The following MBD3 variants were observed in gnomAD, a reference collection of about 807,000 sequenced individuals.
MBD3 encodes the protein methyl-CpG-binding domain protein 3.
A neutral mutation model predicts 31.2 loss-of-function variants in MBD3; 13 were observed. The observed-to-expected ratio is 0.42, with a 90% confidence interval of 0.27 to 0.66. MBD3 has a LOEUF of 0.66. Ranked by LOEUF, MBD3 falls within the 30% of genes least tolerant of loss-of-function variation. The pLI is 0.26. For missense variants in MBD3, 440 were observed against 426.5 expected, an observed-to-expected ratio of 1.03 and a Z score of -0.28; for synonymous variants, 223 against 187.4, an observed-to-expected ratio of 1.19 and a Z score of -1.55.
chr19:1,580,916 G>A (rs1225179423), intron 5 of MBD3, among the ~76,000 whole-genome samples, 176 bp downstream of exon 5: 5 of 152,150 alleles, frequency 3.3e-5, no homozygotes, highest in Admixed American at 1.3e-4. Flanking sequence ...CCCAGGACGC[G>A]GGTGAAACGG....
Position 1,575,514 on chromosome 19 carries a change from G to T in MBD3, c.*2650C>A. On this transcript the variant is annotated 3_prime_UTR_variant, in exon 7 of 7. Coordinates refer to ENST00000434436, the MANE Select transcript of MBD3 (RefSeq NM_001281453.2). ...TGGGGCCAGGCACCGCACAGGGCAG[G>T]CTGGTCATGAGGCCCCCACGAAAGA... The T allele has an allele frequency of 4.4e-6, 1 of 229,130 alleles. No individual in the cohort carries two copies. The highest frequency in any genetic ancestry group is 9.1e-6 in the Non-Finnish European group (1 of 110,314). 14.2% of individuals were successfully genotyped at this position (229,130 alleles called of 1,614,324 possible). A position where few individuals can be genotyped will look rare whatever the true frequency, so the allele number is the denominator to read the frequency against.
intron 1 of MBD3, among the ~76,000 whole-genome samples, chr19:1,588,527 A>G (rs1459481765): frequency 6.6e-6 from 1 of 151,936 alleles, no homozygotes; most frequent in African/African-American, 2.4e-5. Context: ...CACGCCTGTA[A>G]TCACAGCACT....
rs1045209798 is a variant in MBD3 at position 1,584,584 on chromosome 19, T to G, written c.364A>C (p.Lys122Gln). Residue 122 changes from lysine to glutamine, a missense_variant, in exon 3 of 7, where the codon AAG becomes CAG. By Grantham distance (53) the Lys-to-Gln change is moderately conservative. Around this residue, in one of 3 missense-constraint regions of MBD3, gnomAD observed 144 missense variants for 196.9 expected, o/e 0.73. Coordinates refer to ENST00000434436, the MANE Select transcript of MBD3 (RefSeq NM_001281453.2). ...GCCTTCTGCGGGTCGCTCTTGACCTTGTTGCTGGGGTGGTTGGTAATCTTG... is the reference window on the plus strand; with the variant it reads ...GCCTTCTGCGGGTCGCTCTTGACCTGGTTGCTGGGGTGGTTGGTAATCTTG... ...VTKITNHPSN[K>Q]VKSDPQKAVD... is the part of the protein sequence containing the mutation. The G allele has an allele frequency of 1.2e-6, 2 of 1,613,764 alleles. No individual in the cohort carries two copies. Among genetic ancestry groups the G allele is most frequent in the East Asian group, 2.2e-5 (1 of 44,884 alleles).
In MBD3 at chr19:1,576,037, A is replaced by C. The variant is rs1291048909; in HGVS notation, c.*2127T>G. The C allele has an allele frequency of 1.3e-5, 2 of 152,534 alleles. No homozygotes were observed. The highest frequency in any genetic ancestry group is 1.9e-4 in the East Asian group (1 of 5,210). 9.4% of individuals were successfully genotyped at this position (152,534 alleles called of 1,614,324 possible). A position where few individuals can be genotyped will look rare whatever the true frequency, so the allele number is the denominator to read the frequency against. On this transcript the variant is annotated 3_prime_UTR_variant, in exon 7 of 7. Transcript: ENST00000434436. ...AGACCGAGGGAGAGAGACAGGAGAG[A>C]GAGCAAGAAACAAAGAGGGACAGAG...
rs527661092 is a variant in MBD3, at chr19:1,576,167, G to A, written c.*1997C>T. 6.5e-6 allele frequency: 1 copy of A among 152,706 alleles called. No individual in the cohort carries two copies. Among genetic ancestry groups the A allele is most frequent in the East Asian group, 1.9e-4 (1 of 5,194 alleles). The allele number at this position is 152,706 out of a possible 1,614,324, so 9.5% of individuals were successfully genotyped here. A position where few individuals can be genotyped will look rare whatever the true frequency, so the allele number is the denominator to read the frequency against. On this transcript the variant is annotated 3_prime_UTR_variant, in exon 7 of 7. Transcript: ENST00000434436. ...AGGGACACAGTGGGAGATGGGAAGAGGGAAACAGAGTGTCTCTGAGTGCCG... is the reference window on the plus strand; with the variant it reads ...AGGGACACAGTGGGAGATGGGAAGAAGGAAACAGAGTGTCTCTGAGTGCCG...
intron 1 of MBD3, among the ~76,000 whole-genome samples, chr19:1,591,780 C>T (rs1599350874): frequency 6.6e-6 from 1 of 152,116 alleles, no homozygotes; most frequent in East Asian, 1.9e-4. Context: ...CTTTGTTCCA[C>T]GGAGGGGGTT....
intron 5 of MBD3, among the ~76,000 whole-genome samples, chr19:1,579,590 G>A (rs143931709): frequency 3.1e-3 from 476 of 152,058 alleles, no homozygotes; most frequent in African/African-American, 9.0e-3. Flanking sequence ...CCCTGCCTCC[G>A]GGGTCTCTCT....
At chr19:1,584,825 C>T in intron 2 of MBD3, 148 bp from the exon 3 acceptor site, 2 of 992,194 alleles carry the variant, frequency 2.0e-6, no homozygotes, top group Non-Finnish European at 1.4e-6. Flanking sequence ...GGGGAGGCCG[C>T]TCCCGCAGGG....
rs941353356 is a variant in MBD3 at position 1,585,077 on chromosome 19, T to C, written c.248A>G (p.Tyr83Cys). ...CACCTTGACCTGGTTGGAGGAGTCG[T>C]AGCGCACGCGCTGGCGGCTCTTGTT... Reference protein sequence around the residue: ...KMNKSRQRVRYDSSNQVKGKP... With the variant: ...KMNKSRQRVRCDSSNQVKGKP... Residue 83 changes from tyrosine to cysteine, a missense_variant, in exon 2 of 7, where the codon TAC becomes TGC. Tyr to Cys is a radical substitution (Grantham distance 194). Coordinates refer to ENST00000434436, the MANE Select transcript of MBD3 (RefSeq NM_001281453.2). The surrounding 1 kb of genome is among the most constrained non-coding windows in gnomAD (Gnocchi z 4.1). The C allele has an allele frequency of 3.1e-6, 5 of 1,612,300 alleles. No individual in the cohort carries two copies. Among genetic ancestry groups the C allele is most frequent in the African/African-American group, 2.7e-5 (2 of 74,914 alleles).
chr19:1,583,376 A>G (rs1323547335), intron 3 of MBD3: 33 of 123,148 alleles, frequency 2.7e-4, no homozygotes, highest in African/African-American at 1.1e-3. Context: ...TGACAGAGCG[A>G]GACTCTGTCA....
In MBD3 at chr19:1,585,673, T is replaced by G. The variant is rs1319423821; in HGVS notation, c.111-459A>C. ...CCCGGCTCTGGGAGGATGGCTCACA[T>G]GTCCAGAACATTCCAGACATGGAAT... On this transcript the variant is annotated intron_variant, in intron 1 of 6. Coordinates refer to ENST00000434436, the MANE Select transcript of MBD3 (RefSeq NM_001281453.2). The surrounding 1 kb of genome is among the most constrained non-coding windows in gnomAD (Gnocchi z 4.1). 3 of 200,898 alleles carry G rather than the reference T, an allele frequency of 1.5e-5. No individual in the cohort carries two copies. The highest frequency in any genetic ancestry group is 5.4e-5 in the Admixed American group (1 of 18,528). The allele number at this position is 200,898 out of a possible 1,614,324, so 12.4% of individuals were successfully genotyped here.
Position 1,576,849 on chromosome 19 carries a change from C to T in MBD3, c.*1315G>A, listed in dbSNP as rs985404668. 2.0e-5 allele frequency: 3 copies of T among 152,386 alleles called. No homozygotes were observed. The highest frequency in any genetic ancestry group is 4.4e-5 in the Non-Finnish European group (3 of 68,136). 9.4% of individuals were successfully genotyped at this position (152,386 alleles called of 1,614,324 possible). On this transcript the variant is annotated 3_prime_UTR_variant, in exon 7 of 7. Coordinates refer to ENST00000434436, the MANE Select transcript of MBD3 (RefSeq NM_001281453.2). The stretch of plus-strand genomic sequence containing the variant: ...GGAGCTTCCCTCGGCTGCCCTGGCC[C>T]TTGAGCCCGTCCTGAGGATTTGTGC...
chr19:1,583,069 T>C (rs1174613428), intron 3 of MBD3, among the ~76,000 whole-genome samples: 1 of 151,906 alleles, frequency 6.6e-6, no homozygotes, highest in Non-Finnish European at 1.5e-5. Flanking sequence ...TCCGGTGTGG[T>C]GACGGGCGCC....
Position 1,577,312 on chromosome 19 carries a change from G to C in MBD3, c.*852C>G, listed in dbSNP as rs1917222712. ...GGGCCAGAAGCTCCCTGGAGAGCTG[G>C]GCACCTCGAGGAGCGTCTGGGAGCC... On this transcript the variant is annotated 3_prime_UTR_variant, in exon 7 of 7. Coordinates refer to ENST00000434436, the MANE Select transcript of MBD3 (RefSeq NM_001281453.2). The C allele has an allele frequency of 6.6e-6, 1 of 152,268 alleles. No individual in the cohort carries two copies. The highest frequency in any genetic ancestry group is 2.1e-4 in the South Asian group (1 of 4,836). 9.4% of individuals were successfully genotyped at this position (152,268 alleles called of 1,614,324 possible). A position where few individuals can be genotyped will look rare whatever the true frequency, so the allele number is the denominator to read the frequency against.
At chr19:1,584,939 C>A (rs1466743063) in intron 2 of MBD3, 116 bp downstream of exon 2, 1 of 1,423,252 alleles carries the variant, frequency 7.0e-7, no homozygotes, top group South Asian at 1.2e-5. Flanking sequence ...GCCCTCCGCC[C>A]GCTGTGACCT....
In MBD3 at chr19:1,587,913, C is replaced by T. The variant is rs554741480; in HGVS notation, c.111-2699G>A. ...TCCTCTAGGGCAGTCTCCTCCTGTCCTCTTCTGCCCCTGCCCCAGACGTCC... is the reference window on the plus strand; with the variant it reads ...TCCTCTAGGGCAGTCTCCTCCTGTCTTCTTCTGCCCCTGCCCCAGACGTCC... On this transcript the variant is annotated intron_variant, in intron 1 of 6. Coordinates refer to ENST00000434436, the MANE Select transcript of MBD3 (RefSeq NM_001281453.2). Among the ~76,000 whole-genome samples, 4 of 152,332 alleles carry T rather than the reference C, an allele frequency of 2.6e-5. No homozygotes were observed. The East Asian group carries it at 5.8e-4, about 22-fold the overall frequency.
rs1441563783 is a variant in MBD3, at chr19:1,574,034, C to A, written c.*4130G>T. ...GAAGAAGAAAAAAAAGTACACAATTCTGGTGAGGCACGGTGGCTCATGCCT... is the reference window on the plus strand; with the variant it reads ...GAAGAAGAAAAAAAAGTACACAATTATGGTGAGGCACGGTGGCTCATGCCT... On this transcript the variant is annotated 3_prime_UTR_variant, in exon 7 of 7. Transcript: ENST00000434436. 2.0e-5 allele frequency: 3 copies of A among 151,550 alleles called. No homozygotes were observed. The highest frequency in any genetic ancestry group is 7.3e-5 in the African/African-American group (3 of 41,110). The allele number at this position is 151,550 out of a possible 1,614,324, so 9.4% of individuals were successfully genotyped here.
At position 1,581,246 on chromosome 19, in the gene MBD3, C is replaced by T. The variant is rs746746193; in HGVS notation, c.523G>A (p.Glu175Lys). 18 of 1,610,438 alleles carry T rather than the reference C, an allele frequency of 1.1e-5. No individual in the cohort carries two copies. The highest frequency in any genetic ancestry group is 1.5e-5 in the Non-Finnish European group (18 of 1,179,982). The stretch of plus-strand genomic sequence containing the variant: ...CTGGCGATGGCCGACAGCAGCGTCT[C>T]ATCCGTGCAGCCAGGTCCCACCCCT... ...LQGVGPGCTD[E>K]TLLSAIASAL... Residue 175 changes from glutamate to lysine, a missense_variant, in exon 5 of 7, where the codon GAG becomes AAG. Transcript: ENST00000434436.
In MBD3 at chr19:1,578,235, G is replaced by A. The variant is rs138908675; in HGVS notation, c.*6-77C>T. 4.5e-4 allele frequency: 693 copies of A among 1,552,490 alleles called. 5 individuals are homozygous for A. The African/African-American group carries it at 7.8e-3, about 18-fold the overall frequency. ...TTGGGCTCTTCTAGGGAGATGGGAA[G>A]CTCTTGGGAGGCACCCGTCATCCCA... is the stretch of plus-strand genomic sequence containing the variant. On this transcript the variant is annotated intron_variant, in intron 6 of 6. Coordinates refer to ENST00000434436, the MANE Select transcript of MBD3 (RefSeq NM_001281453.2). The surrounding 1 kb of genome is among the most constrained non-coding windows in gnomAD (Gnocchi z 6.1).
Sources: allele counts gnomAD v4.1 joint callset (sites outside exome capture counted in the v4.1 genomes callset), GRCh38; gene constraint gnomAD v4.1.1; regional missense constraint gnomAD v4.1.1; non-coding constraint Gnocchi (gnomAD v3.1); transcripts MANE v1.5; gene names NCBI Gene and HGNC (gene_info 2026-07-23, HGNC 2026-07-21).